MAML3: variants seen among roughly 807,000 people sequenced by gnomAD.
MAML3 encodes mastermind like transcriptional coactivator 3.
In MAML3, 27 loss-of-function variants were observed where a neutral mutation model predicts 101.9. The observed-to-expected ratio is 0.27, with a 90% CI of 0.20 to 0.37. MAML3 has a LOEUF of 0.37. Ranked by LOEUF, MAML3 falls within the 10% of genes least tolerant of loss-of-function variation. The probability of loss-of-function intolerance (pLI) is 1.00; values close to 1 mark genes in which losing one functional copy is unlikely to be tolerated. For synonymous variants in MAML3, 501 were observed against 555.9 expected, an observed-to-expected ratio of 0.90 and a Z score of 1.39; for missense variants, 1,316 against 1,444.9, an observed-to-expected ratio of 0.91 and a Z score of 1.45.
chr4:139,798,249 C>A (rs891224762), intron 2 of MAML3, among the ~76,000 whole-genome samples: 1 of 152,014 alleles, frequency 6.6e-6, no homozygotes, highest in African/African-American at 2.4e-5. Context: ...AGCCTTGGTG[C>A]CAAGTACTTG....
chr4:139,950,950 G>A (rs1238375696), intron 1 of MAML3, among the ~76,000 whole-genome samples: 2 of 152,146 alleles, frequency 1.3e-5, no homozygotes, highest in African/African-American at 2.4e-5. Flanking sequence ...TCCCAAGATC[G>A]TGAAGAACAA....
chr4:139,808,450 A>C (rs1730737848), intron 2 of MAML3, among the ~76,000 whole-genome samples: 1 of 152,202 alleles, frequency 6.6e-6, no homozygotes, highest in Non-Finnish European at 1.5e-5. Flanking sequence ...AGGGGAAGGG[A>C]TATTATAGCT....
At position 140,153,437 on chromosome 4, in the gene MAML3, G is replaced by C; in HGVS notation, c.-110C>G. The C allele has an allele frequency of 8.4e-7, 1 of 1,194,006 alleles. No individual in the cohort carries two copies. The highest frequency in any genetic ancestry group is 1.1e-6 in the Non-Finnish European group (1 of 930,894). The allele number at this position is 1,194,006 out of a possible 1,614,324, so 74.0% of individuals were successfully genotyped here. A position where few individuals can be genotyped will look rare whatever the true frequency, so the allele number is the denominator to read the frequency against. The stretch of plus-strand genomic sequence containing the variant: ...AGTTTAAGTGGAACGCGGGGGAGAC[G>C]CAAGCACATGGATGGAAACGGCGAT... On this transcript the variant is annotated 5_prime_UTR_variant, in exon 1 of 5. Transcript: ENST00000509479.
At chr4:140,040,678 T>C (rs1032392578) in intron 1 of MAML3, among the ~76,000 whole-genome samples, 1 of 152,198 alleles carries the variant, frequency 6.6e-6, no homozygotes, top group African/African-American at 2.4e-5. Context: ...AAATGTTAAA[T>C]TACACACAGA....
chr4:139,971,283 C>A lies in MAML3; in HGVS notation c.469-80316G>T, dbSNP rs550269074. Among the ~76,000 whole-genome samples the A allele has an allele frequency of 2.0e-5, 3 of 152,338 alleles. No individual in the cohort carries two copies. In the East Asian group the frequency reaches 5.8e-4, roughly 29 times the overall value. On this transcript the variant is annotated intron_variant, in intron 1 of 4. Transcript: ENST00000509479. Reference sequence around the variant, plus strand: ...CCTCCCAGGCCCCTCTCAATCAACTCTCATTTGGTGATTGTGGACTAAACC... The same window carrying A: ...CCTCCCAGGCCCCTCTCAATCAACTATCATTTGGTGATTGTGGACTAAACC...
chr4:140,140,000 T>C (rs556676173), intron 1 of MAML3, among the ~76,000 whole-genome samples: 3 of 152,340 alleles, frequency 2.0e-5, no homozygotes, highest in Non-Finnish European at 2.9e-5. Context: ...TGAAATTTTA[T>C]TGCATGACCA....
intron 1 of MAML3, among the ~76,000 whole-genome samples, chr4:140,070,974 G>A (rs558379779): frequency 1.3e-5 from 2 of 152,174 alleles, no homozygotes; most frequent in East Asian, 1.9e-4. Context: ...TGGGGTCTTC[G>A]TGGGCACTGC....
chr4:140,032,304 C>A (rs930660972), intron 1 of MAML3, among the ~76,000 whole-genome samples: 3 of 152,128 alleles, frequency 2.0e-5, no homozygotes, highest in Non-Finnish European at 2.9e-5. Context: ...AAAATTCAGG[C>A]AAAATTGAAA....
chr4:139,890,102 A>G lies in MAML3; in HGVS notation c.1334T>C (p.Val445Ala). 1 of 1,613,778 alleles carries G rather than the reference A, an allele frequency of 6.2e-7. No individual in the cohort carries two copies. The highest frequency in any genetic ancestry group is 8.5e-7 in the Non-Finnish European group (1 of 1,179,792). The part of the protein sequence containing the change: ...GNGYLLNPAA[V>A]TVAGSASGPV... Reference sequence around the variant, plus strand: ...CCCTGACGCTGAACCGGCCACTGTCACTGCTGCCGGATTCAGGAGATAACC... The same window carrying G: ...CCCTGACGCTGAACCGGCCACTGTCGCTGCTGCCGGATTCAGGAGATAACC... Residue 445 changes from valine to alanine, a missense_variant, in exon 2 of 5, where the codon GTG (valine) becomes GCG (alanine). Val to Ala is a moderately conservative substitution (Grantham distance 64, BLOSUM62 0). Transcript: ENST00000509479. This position sits in a 1 kb window ranked among gnomAD's most constrained non-coding sequence, Gnocchi z 4.1.
At chr4:140,121,040 T>G (rs112857327) in intron 1 of MAML3, among the ~76,000 whole-genome samples, 4 of 152,248 alleles carry the variant, frequency 2.6e-5, no homozygotes, top group African/African-American at 9.6e-5. Context: ...AAGAGTTGTT[T>G]CACTGAAAAT....
chr4:139,905,235 A>G (rs1307926010), intron 1 of MAML3, among the ~76,000 whole-genome samples: 1 of 152,194 alleles, frequency 6.6e-6, no homozygotes, highest in African/African-American at 2.4e-5. Context: ...GCTCACGCCT[A>G]TAATCCCAGC....
intron 2 of MAML3, among the ~76,000 whole-genome samples, chr4:139,803,752 C>G (rs1730652930): frequency 6.6e-6 from 1 of 152,186 alleles, no homozygotes. Flanking sequence ...TTACACACAT[C>G]ACCTCATTAT....
At chr4:140,057,659 T>C (rs1727371634) in intron 1 of MAML3, among the ~76,000 whole-genome samples, 1 of 152,156 alleles carries the variant, frequency 6.6e-6, no homozygotes, top group Admixed American at 6.6e-5. Context: ...TTATGAATAT[T>C]AGTAGTAATA....
intron 1 of MAML3, among the ~76,000 whole-genome samples, chr4:140,002,935 G>T (rs1726351263): frequency 6.6e-6 from 1 of 152,174 alleles, no homozygotes; most frequent in Admixed American, 6.5e-5. Context: ...AGGGTCTGTT[G>T]GAACCATGCC....
intron 1 of MAML3, among the ~76,000 whole-genome samples, chr4:139,898,286 A>G (rs968809552): frequency 2.6e-5 from 4 of 152,266 alleles, no homozygotes; most frequent in Non-Finnish European, 5.9e-5. Flanking sequence ...TTAGTTTAAA[A>G]TACTGAAAAT....
At chr4:140,089,778 G>A (rs947814381) in intron 1 of MAML3, among the ~76,000 whole-genome samples, 5 of 152,144 alleles carry the variant, frequency 3.3e-5, no homozygotes, top group Non-Finnish European at 4.4e-5. Flanking sequence ...GGGGTAGCAC[G>A]AGGAAATGTT....
At chr4:140,068,817 A>C (rs1442602953) in intron 1 of MAML3, among the ~76,000 whole-genome samples, 1 of 152,182 alleles carries the variant, frequency 6.6e-6, no homozygotes, top group African/African-American at 2.4e-5. Context: ...CTATTTGAAG[A>C]GTCTTAGGCC....
intron 1 of MAML3, among the ~76,000 whole-genome samples, chr4:139,953,832 GGGTTA>G (rs1420566758): frequency 6.6e-6 from 1 of 152,140 alleles, no homozygotes; most frequent in African/African-American, 2.4e-5. Flanking sequence ...TGAATTCTTG[GGGTTA>G]ACTTTCTCAT....
At chr4:139,935,110 G>T (rs1238070307) in intron 1 of MAML3, among the ~76,000 whole-genome samples, 1 of 150,782 alleles carries the variant, frequency 6.6e-6, no homozygotes, top group Non-Finnish European at 1.5e-5. Context: ...TCCCCCTACT[G>T]CCTATCACCC....
Sources: allele counts gnomAD v4.1 joint callset (sites outside exome capture counted in the v4.1 genomes callset), GRCh38; gene constraint gnomAD v4.1.1; non-coding constraint Gnocchi (gnomAD v3.1); transcripts MANE v1.5; gene names NCBI Gene and HGNC (gene_info 2026-07-23, HGNC 2026-07-21).